The following SOX5 variants were observed in gnomAD, a reference collection of about 807,000 sequenced individuals.
The protein encoded by SOX5 is transcription factor SOX-5.
In SOX5, 9 loss-of-function variants were observed where a neutral mutation model predicts 92.0. The ratio of observed to expected loss-of-function variants is 0.10; its 90% CI spans 0.06 to 0.17. The LOEUF (loss-of-function observed/expected upper bound fraction) is 0.17, where lower values mean the gene tolerates loss of function less well. Ranked by LOEUF, SOX5 falls within the 10% of genes least tolerant of loss-of-function variation. SOX5 has a pLI of 1.00. For missense variants in SOX5, 642 were observed against 944.5 expected, an observed-to-expected ratio of 0.68 and a Z score of 4.20; for synonymous variants, 344 against 336.3, an observed-to-expected ratio of 1.02 and a Z score of -0.25.
intron 8 of SOX5, among the ~76,000 whole-genome samples, chr12:23,623,285 A>G (rs1156471717): frequency 6.6e-6 from 1 of 152,196 alleles, no homozygotes; most frequent in Non-Finnish European, 1.5e-5. Context: ...ATTATAAGAC[A>G]AATGTATTAG....
At chr12:24,425,158 G>C (rs909057572) in intron 1 of SOX5, among the ~76,000 whole-genome samples, 1 of 152,210 alleles carries the variant, frequency 6.6e-6, no homozygotes, top group Non-Finnish European at 1.5e-5. Context: ...TCAAAGGGCT[G>C]TGGTTTGGAA....
At chr12:23,852,880 C>T (rs560774452) in intron 2 of SOX5, among the ~76,000 whole-genome samples, 5 of 152,014 alleles carry the variant, frequency 3.3e-5, no homozygotes, top group Admixed American at 2.6e-4. Flanking sequence ...ACAAGCCTTC[C>T]ATGTGAGACT....
chr12:23,750,401 G>A (rs2094144600), intron 4 of SOX5, among the ~76,000 whole-genome samples: 1 of 151,890 alleles, frequency 6.6e-6, no homozygotes, highest in South Asian at 2.1e-4. Flanking sequence ...AAAAGTGGTA[G>A]CCCAATTTCC....
At chr12:23,674,168 A>G (rs1308731880) in intron 6 of SOX5, among the ~76,000 whole-genome samples, 1 of 152,040 alleles carries the variant, frequency 6.6e-6, no homozygotes, top group Non-Finnish European at 1.5e-5. Flanking sequence ...GAAAACAAAT[A>G]GTTTTGGGAA....
At chr12:23,769,318 A>G (rs963792074) in intron 3 of SOX5, among the ~76,000 whole-genome samples, 5 of 152,150 alleles carry the variant, frequency 3.3e-5, no homozygotes, top group Non-Finnish European at 5.9e-5. Context: ...TGACATATAA[A>G]GTACTTAAAA....
rs188450478 is a variant in SOX5, at chr12:24,107,775, G to A, written c.-2+105568C>T. Among the ~76,000 whole-genome samples the A allele has an allele frequency of 6.8e-4, 103 of 152,294 alleles. 1 individual carries two copies. Among genetic ancestry groups the A allele is most frequent in the African/African-American group, 2.4e-3 (100 of 41,554 alleles). ...AATGTGTTGATGCCGGGCTTAAAGA[G>A]GGTCACTGAGAGATCAGCTTTACCT... On this transcript the variant is annotated intron_variant, in intron 4 of 4. Transcript: ENST00000446891.
chr12:23,998,365 G>A (rs558221439), intron 4 of SOX5, among the ~76,000 whole-genome samples: 1 of 152,224 alleles, frequency 6.6e-6, no homozygotes, highest in African/African-American at 2.4e-5. Context: ...CAATTTTGAA[G>A]ATAGATCAAT....
chr12:23,779,338 A>AGT (rs2141711063), intron 3 of SOX5, among the ~76,000 whole-genome samples: 1 of 151,160 alleles, frequency 6.6e-6, no homozygotes, highest in South Asian at 2.1e-4. Flanking sequence ...ATGTGATTTT[A>AGT]CTTCCACTGA....
At chr12:24,080,393 A>G (rs1164415937) in intron 4 of SOX5, among the ~76,000 whole-genome samples, 1 of 152,072 alleles carries the variant, frequency 6.6e-6, no homozygotes, top group Non-Finnish European at 1.5e-5. Flanking sequence ...AAGTGCCACA[A>G]TGTTATCTCC....
At chr12:24,260,929 C>A (rs1439843342) in intron 3 of SOX5, among the ~76,000 whole-genome samples, 3 of 152,162 alleles carry the variant, frequency 2.0e-5, no homozygotes, top group Non-Finnish European at 4.4e-5. Flanking sequence ...TCATTTAATT[C>A]TACTTGTGTA....
rs369369655 is a variant in SOX5 at position 24,011,158 on chromosome 12, G to C, written c.-1-115134C>G. 1.7e-3 allele frequency among the ~76,000 whole-genome samples: 260 copies of C among 152,140 alleles called. 9 individuals are homozygous for C. The South Asian group carries it at 0.051, about 30-fold the overall frequency. On this transcript the variant is annotated intron_variant, in intron 4 of 4. Transcript: ENST00000446891. ...TTAGAAAATTGCTTGTAATACAGCAGGGCTACTTACATATAGGCAGAATTG... is the reference window on the plus strand; with the variant it reads ...TTAGAAAATTGCTTGTAATACAGCACGGCTACTTACATATAGGCAGAATTG...
chr12:24,186,558 A>G (rs7954547), intron 4 of SOX5, among the ~76,000 whole-genome samples: 1 of 151,968 alleles, frequency 6.6e-6, no homozygotes, highest in Non-Finnish European at 1.5e-5. Context: ...AGAAAATAGA[A>G]AGCAAAACTA....
intron 4 of SOX5, among the ~76,000 whole-genome samples, chr12:23,967,880 C>A (rs1042536652): frequency 6.6e-6 from 1 of 152,040 alleles, no homozygotes; most frequent in Non-Finnish European, 1.5e-5. Context: ...CTAAGAAGAT[C>A]CCATAATATC....
intron 4 of SOX5, among the ~76,000 whole-genome samples, chr12:24,164,702 G>A (rs865790140): frequency 1.3e-5 from 2 of 151,950 alleles, no homozygotes; most frequent in African/African-American, 4.8e-5. Context: ...ATATTTAAGG[G>A]TTACTTTTCA....
At chr12:23,921,996 A>T (rs1938417698) in intron 1 of SOX5, among the ~76,000 whole-genome samples, 1 of 152,226 alleles carries the variant, frequency 6.6e-6, no homozygotes, top group Admixed American at 6.5e-5. Flanking sequence ...TATTTCATTA[A>T]GGGCAAAGAA....
intron 4 of SOX5, among the ~76,000 whole-genome samples, chr12:24,100,507 A>G (rs1308162678): frequency 1.6e-4 from 25 of 151,934 alleles, no homozygotes; most frequent in Admixed American, 1.6e-3. Flanking sequence ...GTCTTGTTCC[A>G]TTGCTCTTAA....
At chr12:24,473,410 G>C (rs2137668909) in intron 1 of SOX5, among the ~76,000 whole-genome samples, 1 of 152,322 alleles carries the variant, frequency 6.6e-6, no homozygotes, top group East Asian at 1.9e-4. Context: ...CAAGCCCACA[G>C]AAGCCAGCTC....
At position 23,709,355 on chromosome 12, in the gene SOX5, T is replaced by C. The variant is rs137902685; in HGVS notation, c.810+25329A>G. On this transcript the variant is annotated intron_variant, in intron 6 of 14. Transcript: ENST00000451604. ...CCTGGGCTCAAGCAATCCTCCAACC[T>C]CACCCTCCCAGTGTGTTGGGATTAC... Among the ~76,000 whole-genome samples, 1,179 of 152,186 alleles carry C rather than the reference T, an allele frequency of 7.7e-3. 15 individuals carry two copies. Among genetic ancestry groups the C allele is most frequent in the Middle Eastern group, 0.017 (5 of 294 alleles).
intron 1 of SOX5, among the ~76,000 whole-genome samples, chr12:24,388,403 G>A (rs947758022): frequency 8.5e-5 from 13 of 152,202 alleles, no homozygotes; most frequent in African/African-American, 3.1e-4. Flanking sequence ...GTAGAAGAGT[G>A]AGGTCAGGCC....
Sources: gnomAD v4.1 joint callset for allele counts (sites outside exome capture counted in the v4.1 genomes callset) on GRCh38, gnomAD v4.1.1 for gene constraint, MANE v1.5 for transcripts, NCBI Gene and HGNC (gene_info 2026-07-23, HGNC 2026-07-21) for gene names.